SCNN1B: variants seen among roughly 807,000 people sequenced by gnomAD.
SCNN1B encodes sodium channel epithelial 1 subunit beta.
A neutral mutation model predicts 65.3 loss-of-function variants in SCNN1B; 46 were observed. The observed-to-expected ratio is 0.70, with a 90% CI of 0.56 to 0.90. The LOEUF (loss-of-function observed/expected upper bound fraction) is 0.90, where lower values mean the gene tolerates loss of function less well. Ranked by LOEUF, SCNN1B falls within the 40% of genes least tolerant of loss-of-function variation. SCNN1B has a pLI of 0.00. For missense variants in SCNN1B, 751 were observed against 830.5 expected (o/e 0.90, Z 1.18); for synonymous variants, 349 against 330.6 (o/e 1.06, Z -0.60).
At chr16:23,340,943 ATTTTG>A (rs1359539903) in intron 1 of SCNN1B, among the ~76,000 whole-genome samples, 3 of 151,428 alleles carry the variant, frequency 2.0e-5, no homozygotes, top group African/African-American at 4.8e-5. Flanking sequence ...TGTGTGTCTG[ATTTTG>A]TTTTGTTTTT....
chr16:23,283,944 A>G (rs1960817007), intron 2 of SCNN1B: 1 of 152,214 alleles, frequency 6.6e-6, no homozygotes, highest in African/African-American at 2.4e-5. Flanking sequence ...GAGGAGGTGC[A>G]GCCTCTGTTG....
chr16:23,332,699 G>A (rs1054239597), intron 1 of SCNN1B, among the ~76,000 whole-genome samples: 5 of 152,104 alleles, frequency 3.3e-5, no homozygotes, highest in African/African-American at 1.2e-4. Flanking sequence ...CAGGGCACCT[G>A]CTGACATGGT....
upstream of SCNN1B, among the ~76,000 whole-genome samples, chr16:23,299,387 T>C (rs145001377): frequency 6.6e-6 from 1 of 152,258 alleles, no homozygotes; most frequent in East Asian, 1.9e-4. Context: ...AGGTCAATAA[T>C]AGTCAAATAT....
intron 1 of SCNN1B, among the ~76,000 whole-genome samples, chr16:23,344,413 A>G (rs1364692166): frequency 2.0e-5 from 3 of 152,250 alleles, no homozygotes; most frequent in Non-Finnish European, 4.4e-5. Flanking sequence ...TATATCTTCT[A>G]CAACTACCTA....
At chr16:23,363,107 C>G (rs901685155) in intron 4 of SCNN1B, among the ~76,000 whole-genome samples, 14 of 152,220 alleles carry the variant, frequency 9.2e-5, no homozygotes, top group African/African-American at 3.4e-4. Flanking sequence ...TTGGGTGTCA[C>G]TTCTCCATAC....
chr16:23,293,767 A>C (rs1235281329), intron 2 of SCNN1B, among the ~76,000 whole-genome samples: 1 of 151,934 alleles, frequency 6.6e-6, no homozygotes, highest in Non-Finnish European at 1.5e-5. Context: ...TCTCTACAAA[A>C]AAAAAATTAG....
chr16:23,365,186 G>A (rs887003773), intron 4 of SCNN1B, among the ~76,000 whole-genome samples: 1 of 151,944 alleles, frequency 6.6e-6, no homozygotes, highest in African/African-American at 2.4e-5. Context: ...CAGCTACTCA[G>A]GAGGCTGAGG....
At chr16:23,315,193 T>C (rs1276271338) in intron 1 of SCNN1B, among the ~76,000 whole-genome samples, 1 of 151,986 alleles carries the variant, frequency 6.6e-6, no homozygotes, top group Non-Finnish European at 1.5e-5. Context: ...TAAAATTAGC[T>C]AGGTGTGATG....
intron 1 of SCNN1B, among the ~76,000 whole-genome samples, chr16:23,337,448 A>G (rs532615892): frequency 7.0e-6 from 1 of 143,604 alleles, no homozygotes; most frequent in African/African-American, 2.6e-5. Context: ...ATCTCGGCTC[A>G]CTGCAACCTC....
upstream of SCNN1B, among the ~76,000 whole-genome samples, chr16:23,302,071 C>T (rs2141976419): frequency 6.6e-6 from 1 of 152,108 alleles, no homozygotes; most frequent in African/African-American, 2.4e-5. Flanking sequence ...ATATTCGTGG[C>T]GCATGTGGGT....
intron 4 of SCNN1B, among the ~76,000 whole-genome samples, chr16:23,357,848 C>T (rs948262541): frequency 3.9e-5 from 6 of 152,200 alleles, no homozygotes; most frequent in East Asian, 1.9e-4. Flanking sequence ...TCAGGGCACA[C>T]CCGCCAACCA....
At chr16:23,378,872 G>A in intron 11 of SCNN1B, 105 bp downstream of exon 11, 2 of 1,089,712 alleles carry the variant, frequency 1.8e-6, no homozygotes, top group Non-Finnish European at 2.8e-6. Context: ...TCTCACATGG[G>A]TCAGACCGAG....
chr16:23,335,667 G>C (rs1400414240), intron 1 of SCNN1B, among the ~76,000 whole-genome samples: 1 of 146,586 alleles, frequency 6.8e-6, no homozygotes, highest in African/African-American at 2.5e-5. Context: ...GACTAGTCTT[G>C]AACTCCTGAC....
rs1962234789 is a variant in SCNN1B, at chr16:23,348,498, G to T, written c.-8-94G>T. ...AGGGTAAAGAGGGAGGAAGAACGGG[G>T]ACGTACCGCCGCCCAGTTCCTGGAC... On this transcript the variant is annotated intron_variant, in intron 1 of 12. Coordinates refer to ENST00000343070, the MANE Select transcript of SCNN1B (RefSeq NM_000336.3). This position sits in a 1 kb window ranked among gnomAD's most constrained non-coding sequence, Gnocchi z 4.5. 1 of 1,153,488 alleles carries T rather than the reference G, an allele frequency of 8.7e-7. No homozygotes were observed. Among genetic ancestry groups the T allele is most frequent in the Non-Finnish European group, 1.3e-6 (1 of 794,610 alleles). The allele number at this position is 1,153,488 out of a possible 1,614,324, so 71.5% of individuals were successfully genotyped here.
At chr16:23,373,603 C>T (rs572599605) in intron 7 of SCNN1B, among the ~76,000 whole-genome samples, 15 of 152,292 alleles carry the variant, frequency 9.8e-5, no homozygotes, top group African/African-American at 3.1e-4. Flanking sequence ...TCCTCTCCAG[C>T]CCAGTCTGCC....
intron 4 of SCNN1B, among the ~76,000 whole-genome samples, chr16:23,361,333 G>A (rs944497965): frequency 2.0e-5 from 3 of 152,202 alleles, no homozygotes; most frequent in Non-Finnish European, 4.4e-5. Flanking sequence ...AAAAGTACTA[G>A]GATTACAGAT....
rs137923582 is a variant in SCNN1B at position 23,305,261 on chromosome 16, G to T, written c.-9+2824G>T. ...TACAAGAGATAGCAAAAGTCACAAAGAAGGCCTGTGGACTTTTAAATTTTT... is the reference window on the plus strand; with the variant it reads ...TACAAGAGATAGCAAAAGTCACAAATAAGGCCTGTGGACTTTTAAATTTTT... On this transcript the variant is annotated intron_variant, in intron 1 of 12. Coordinates refer to ENST00000343070, the MANE Select transcript of SCNN1B (RefSeq NM_000336.3). Among the ~76,000 whole-genome samples the T allele has an allele frequency of 2.6e-5, 4 of 152,064 alleles. No homozygotes were observed. The East Asian group carries it at 7.7e-4, about 29-fold the overall frequency.
chr16:23,291,891 C>T (rs1960930916), intron 2 of SCNN1B, among the ~76,000 whole-genome samples: 3 of 151,806 alleles, frequency 2.0e-5, no homozygotes, highest in Admixed American at 2.0e-4. Flanking sequence ...TGTGTCTCTG[C>T]ATTTATATAA....
chr16:23,380,978 G>A lies in SCNN1B; in HGVS notation c.*177G>A, dbSNP rs1963040384. On this transcript the variant is annotated 3_prime_UTR_variant, in exon 13 of 13. Transcript: ENST00000343070. The surrounding 1 kb of genome is among the most constrained non-coding windows in gnomAD (Gnocchi z 5.4). ...TGGTCCGTTACTGGCCAAGGGCTCTGTAGAATCACGGTGCTGGTACAGGAT... is the reference window on the plus strand; with the variant it reads ...TGGTCCGTTACTGGCCAAGGGCTCTATAGAATCACGGTGCTGGTACAGGAT... 6.9e-6 allele frequency: 5 copies of A among 720,728 alleles called. No homozygotes were observed. The Admixed American group carries it at 7.8e-5, about 11-fold the overall frequency. The allele number at this position is 720,728 out of a possible 1,614,324, so 44.6% of individuals were successfully genotyped here.
Sources: gnomAD v4.1 joint callset for allele counts (sites outside exome capture counted in the v4.1 genomes callset) on GRCh38, gnomAD v4.1.1 for gene constraint, Gnocchi (gnomAD v3.1) non-coding constraint, MANE v1.5 for transcripts, NCBI Gene and HGNC (gene_info 2026-07-23, HGNC 2026-07-21) for gene names.